The following LUC7L variants were observed in gnomAD, a reference collection of about 807,000 sequenced individuals.
LUC7L encodes the protein putative RNA-binding protein Luc7-like 1.
LUC7L carries 29 observed loss-of-function variants against 51.1 expected under a neutral mutation model. That is an observed-to-expected ratio of 0.57 (90% CI 0.42 to 0.77). The LOEUF (loss-of-function observed/expected upper bound fraction) is 0.77. Among genes scored for constraint, LUC7L ranks in the 30% least tolerant of loss-of-function variants. LUC7L has a pLI of 0.00. For synonymous variants in LUC7L, 181 were observed against 180.7 expected, an observed-to-expected ratio of 1.00 and a Z score of -0.01; for missense variants, 403 against 511.9, an observed-to-expected ratio of 0.79 and a Z score of 2.05.
In LUC7L at chr16:201,729, G is replaced by A. The variant is rs140377686; in HGVS notation, c.511-2491C>T. 7.6e-3 allele frequency among the ~76,000 whole-genome samples: 1,029 copies of A among 134,630 alleles called. 15 individuals are homozygous for A. Among genetic ancestry groups the A allele is most frequent in the African/African-American group, 0.028 (991 of 35,642 alleles). The allele number at this position is 134,630 out of a possible 152,430, so 88.3% of individuals were successfully genotyped here. The stretch of plus-strand genomic sequence containing the variant: ...GATGGGATTACAGGCGTGAGCCACC[G>A]CACCAGGCTTTTTTTTTTTTTTTTT... On this transcript the variant is annotated intron_variant, in intron 5 of 9. Transcript: ENST00000293872.
At chr16:210,637 G>A (rs896009984) in intron 3 of LUC7L, among the ~76,000 whole-genome samples, 5 of 152,118 alleles carry the variant, frequency 3.3e-5, no homozygotes, top group African/African-American at 1.2e-4. Flanking sequence ...GGATTCACTC[G>A]AGGGGTCAAA....
At position 206,193 on chromosome 16, in the gene LUC7L, T is replaced by C. The variant is rs760724766; in HGVS notation, c.367-46A>G. ...GTAAGCAGACATCTGAAAATGAAAG[T>C]GAATGCAAAGGCAACAAGGGTTTCT... On this transcript the variant is annotated intron_variant, in intron 4 of 9. Coordinates refer to ENST00000293872, the MANE Select transcript of LUC7L (RefSeq NM_201412.3). 8.2e-6 allele frequency: 13 copies of C among 1,586,494 alleles called. No homozygotes were observed. In the East Asian group the frequency reaches 1.3e-4, roughly 16 times the overall value.
At chr16:221,096 T>C (rs963624320) in intron 2 of LUC7L, among the ~76,000 whole-genome samples, 2 of 151,912 alleles carry the variant, frequency 1.3e-5, no homozygotes, top group African/African-American at 4.8e-5. Context: ...CTCAGCTTAC[T>C]GTAACCTCTG....
chr16:196,714 G>C (rs969965567), intron 6 of LUC7L, among the ~76,000 whole-genome samples: 1 of 151,796 alleles, frequency 6.6e-6, no homozygotes, highest in African/African-American at 2.4e-5. Context: ...TTTCAGTAGA[G>C]ACAGGGTTTT....
chr16:229,278 C>T lies in LUC7L; in HGVS notation c.61+1G>A, dbSNP rs2050213641. On this transcript the variant is annotated splice_donor_variant, in intron 1 of 9. Transcript: ENST00000293872. LOFTEE classifies it high-confidence loss of function. ...TCGCCTGGTTGGCCGCTCTGACTCA[C>T]CGTCCCGAGCCGTGCCCATGAGCTG... 6 of 1,536,270 alleles carry T rather than the reference C, an allele frequency of 3.9e-6. No homozygotes were observed. The highest frequency in any genetic ancestry group is 3.5e-6 in the Non-Finnish European group (4 of 1,148,752).
At chr16:201,988 C>T (rs2049347052) in intron 5 of LUC7L, among the ~76,000 whole-genome samples, 1 of 152,056 alleles carries the variant, frequency 6.6e-6, no homozygotes, top group Non-Finnish European at 1.5e-5. Flanking sequence ...AGGTGATGCA[C>T]CTACCTTGGC....
chr16:191,631 G>C lies in LUC7L; in HGVS notation c.777-1061C>G, dbSNP rs576174097. On this transcript the variant is annotated intron_variant, in intron 7 of 9. Transcript: ENST00000293872. ...GGAGGCTGAGGCAGGCAGATCATGA[G>C]GTCAACAGATCGAGACCAGCCTGGC... Among the ~76,000 whole-genome samples, 67 of 152,304 alleles carry C rather than the reference G, an allele frequency of 4.4e-4. 1 individual carries two copies. Among genetic ancestry groups the C allele is most frequent in the African/African-American group, 1.4e-3 (57 of 41,564 alleles).
At chr16:210,279 C>A (rs1048540701) in intron 3 of LUC7L, among the ~76,000 whole-genome samples, 81 of 152,270 alleles carry the variant, frequency 5.3e-4, no homozygotes, top group Admixed American at 5.2e-3. Flanking sequence ...AAGAGCGAGA[C>A]TCCCTCTCAA....
intron 6 of LUC7L, 115 bp downstream of exon 6, chr16:198,947 T>TGG: frequency 3.9e-6 from 4 of 1,023,754 alleles, no homozygotes; most frequent in Middle Eastern, 3.3e-4. Context: ...CCCAAAGTGC[T>TGG]GGGATTATAG....
intron 6 of LUC7L, among the ~76,000 whole-genome samples, chr16:196,763 G>A (rs1294774015): frequency 6.6e-6 from 1 of 151,990 alleles, no homozygotes; most frequent in Non-Finnish European, 1.5e-5. Context: ...CCTGACTTAA[G>A]TGATCCGCCC....
chr16:208,259 G>T, intron 3 of LUC7L, 71 bp from the exon 4 acceptor site: 1 of 1,124,274 alleles, frequency 8.9e-7, no homozygotes, highest in Non-Finnish European at 1.3e-6. Context: ...CCATTTGCTT[G>T]ATAGGAAATA....
intron 3 of LUC7L, among the ~76,000 whole-genome samples, chr16:213,466 C>G (rs1189993954): frequency 2.0e-5 from 3 of 152,152 alleles, no homozygotes; most frequent in Non-Finnish European, 4.4e-5. Context: ...GAGGCAACAT[C>G]TGAGCTCACT....
At chr16:228,041 G>C (rs939897264) in intron 1 of LUC7L, 1 of 1,137,760 alleles carries the variant, frequency 8.8e-7, no homozygotes, top group Non-Finnish European at 1.1e-6. Flanking sequence ...CTGTTGAAAA[G>C]TGTTAAAGGA....
intron 2 of LUC7L, among the ~76,000 whole-genome samples, chr16:225,767 G>A (rs572458376): frequency 6.6e-6 from 1 of 150,932 alleles, no homozygotes; most frequent in African/African-American, 2.4e-5. Flanking sequence ...TTACAGGCGT[G>A]AGCCACCGCA....
chr16:228,978 G>A (rs1197361195), intron 1 of LUC7L: 2 of 1,430,074 alleles, frequency 1.4e-6, no homozygotes, highest in East Asian at 3.1e-5. Flanking sequence ...CACAGTTCGC[G>A]GAGGGGCACG....
At chr16:220,772 A>G (rs1484501411) in intron 2 of LUC7L, 25 bp from the exon 3 acceptor site, 3 of 1,498,812 alleles carry the variant, frequency 2.0e-6, no homozygotes, top group East Asian at 2.3e-5. Flanking sequence ...CAGAAAATGC[A>G]GACCTCAGTG....
intron 5 of LUC7L, among the ~76,000 whole-genome samples, chr16:203,389 A>G (rs1188986496): frequency 6.6e-6 from 1 of 152,170 alleles, no homozygotes; most frequent in African/African-American, 2.4e-5. Context: ...GGACATTACC[A>G]TAATACCAAA....
chr16:190,907 T>G, intron 7 of LUC7L: 3 of 225,956 alleles, frequency 1.3e-5, no homozygotes, highest in East Asian at 1.0e-4. Context: ...AGTGAATGAC[T>G]TCCCGAAAGC....
chr16:216,621 C>A (rs1203194021), intron 3 of LUC7L, among the ~76,000 whole-genome samples: 3 of 151,966 alleles, frequency 2.0e-5, no homozygotes, highest in Non-Finnish European at 4.4e-5. Flanking sequence ...AACTCGTGAT[C>A]TGCCCGCCTC....
Sources: gnomAD v4.1 joint callset for allele counts (sites outside exome capture counted in the v4.1 genomes callset) on GRCh38, gnomAD v4.1.1 for gene constraint, MANE v1.5 for transcripts, NCBI Gene and HGNC (gene_info 2026-07-23, HGNC 2026-07-21) for gene names.